Variants in SDK1 observed in about 807,000 individuals in gnomAD.
SDK1 encodes the protein protein sidekick-1.
A neutral mutation model predicts 245.5 loss-of-function variants in SDK1; 157 were observed. The ratio of observed to expected loss-of-function variants is 0.64; its 90% CI spans 0.56 to 0.73. The LOEUF (loss-of-function observed/expected upper bound fraction) is 0.73. Among genes scored for constraint, SDK1 ranks in the 30% least tolerant of loss-of-function variants. The pLI is 0.00. For synonymous variants in SDK1, 1,647 were observed against 1,278.5 expected (o/e 1.29, Z -6.15); for missense variants, 3,583 against 3,002.3 (o/e 1.19, Z -4.52).
At chr7:3,846,639 G>C (rs1247513627) in intron 5 of SDK1, among the ~76,000 whole-genome samples, 1 of 152,166 alleles carries the variant, frequency 6.6e-6, no homozygotes, top group East Asian at 1.9e-4. Flanking sequence ...GTCCTAAAGA[G>C]TATTACTGCT....
At chr7:3,983,658 A>G (rs1204374433) in intron 13 of SDK1, among the ~76,000 whole-genome samples, 1 of 152,258 alleles carries the variant, frequency 6.6e-6, no homozygotes, top group Non-Finnish European at 1.5e-5. Flanking sequence ...AACGTGCAGT[A>G]TCTCTGAGAC....
At chr7:3,400,327 A>G (rs1583802044) in intron 1 of SDK1, among the ~76,000 whole-genome samples, 1 of 152,116 alleles carries the variant, frequency 6.6e-6, no homozygotes, top group East Asian at 1.9e-4. Flanking sequence ...ATTTTCAAAA[A>G]AGTTGATTTT....
intron 4 of SDK1, among the ~76,000 whole-genome samples, chr7:3,735,121 A>G (rs1238112335): frequency 1.3e-5 from 2 of 152,046 alleles, no homozygotes; most frequent in African/African-American, 2.4e-5. Flanking sequence ...AATTGCTTTT[A>G]CTACATAGCA....
rs1471743052 is a variant in SDK1 at position 4,172,486 on chromosome 7, A to G, written c.4801-1736A>G. Reference sequence around the variant, plus strand: ...TTTGGGTTTTGCCTCGTGAGTAGCAAGAGTCCAAAGAAAAAGCGATTTCTC... The same window carrying G: ...TTTGGGTTTTGCCTCGTGAGTAGCAGGAGTCCAAAGAAAAAGCGATTTCTC... On this transcript the variant is annotated intron_variant, in intron 32 of 44. Coordinates refer to ENST00000404826, the MANE Select transcript of SDK1 (RefSeq NM_152744.4). Among the ~76,000 whole-genome samples the G allele has an allele frequency of 2.6e-5, 4 of 152,328 alleles. No individual in the cohort carries two copies. In the East Asian group the frequency reaches 5.8e-4, roughly 22 times the overall value.
chr7:3,459,414 T>G (rs1330982787), intron 1 of SDK1, among the ~76,000 whole-genome samples: 1 of 152,150 alleles, frequency 6.6e-6, no homozygotes, highest in Non-Finnish European at 1.5e-5. Context: ...TGACAGGCAG[T>G]CGATATAGTG....
At chr7:3,800,269 G>T (rs1474361425) in intron 4 of SDK1, among the ~76,000 whole-genome samples, 1 of 152,144 alleles carries the variant, frequency 6.6e-6, no homozygotes, top group Non-Finnish European at 1.5e-5. Flanking sequence ...GTAATGGCAT[G>T]TAAGGATCTT....
At chr7:3,579,730 A>G (rs1176210253) in intron 1 of SDK1, among the ~76,000 whole-genome samples, 1 of 152,184 alleles carries the variant, frequency 6.6e-6, no homozygotes, top group Non-Finnish European at 1.5e-5. Flanking sequence ...TGTAAATTAA[A>G]CCATTTGGAA....
At chr7:3,346,823 A>ATT (rs1461297067) in intron 1 of SDK1, among the ~76,000 whole-genome samples, 17 of 28,230 alleles carry the variant, frequency 6.0e-4, no homozygotes, top group African/African-American at 1.6e-3. Flanking sequence ...ATATATATAT[A>ATT]TATATTTTTT....
intron 1 of SDK1, among the ~76,000 whole-genome samples, chr7:3,510,650 G>A (rs1272631250): frequency 4.6e-5 from 7 of 152,120 alleles, no homozygotes; most frequent in African/African-American, 1.7e-4. Context: ...GAGGGAAGAA[G>A]GGGGGAGGCT....
intron 1 of SDK1, among the ~76,000 whole-genome samples, chr7:3,308,716 T>A (rs916288477): frequency 6.6e-6 from 1 of 152,138 alleles, no homozygotes; most frequent in Non-Finnish European, 1.5e-5. Context: ...GGCTAGACCC[T>A]GGGGTCCATA....
chr7:3,804,556 C>G (rs1434278834), intron 4 of SDK1, among the ~76,000 whole-genome samples: 2 of 152,136 alleles, frequency 1.3e-5, no homozygotes. Context: ...TCTAATTCTT[C>G]TGCCTTTACA....
intron 4 of SDK1, among the ~76,000 whole-genome samples, chr7:3,701,713 C>G (rs962430860): frequency 1.3e-5 from 2 of 151,996 alleles, no homozygotes; most frequent in African/African-American, 4.8e-5. Context: ...TCACTCTATT[C>G]AATCTGAATT....
intron 5 of SDK1, among the ~76,000 whole-genome samples, chr7:3,827,584 G>T (rs377513967): frequency 6.6e-6 from 1 of 152,204 alleles, no homozygotes; most frequent in Non-Finnish European, 1.5e-5. Flanking sequence ...TGGGACCTAC[G>T]TGTGTTGTCA....
chr7:3,522,559 C>T (rs547761641), intron 1 of SDK1, among the ~76,000 whole-genome samples: 7 of 151,194 alleles, frequency 4.6e-5, no homozygotes, highest in Admixed American at 4.6e-4. Context: ...TATTATGGGT[C>T]CTGGCTCATA....
At chr7:3,793,118 T>C (rs1284540144) in intron 4 of SDK1, among the ~76,000 whole-genome samples, 1 of 152,206 alleles carries the variant, frequency 6.6e-6, no homozygotes, top group African/African-American at 2.4e-5. Flanking sequence ...TGATGTGCTG[T>C]TATGAAAAAT....
At chr7:3,504,557 C>G (rs1276378293) in intron 1 of SDK1, among the ~76,000 whole-genome samples, 1 of 152,038 alleles carries the variant, frequency 6.6e-6, no homozygotes, top group Non-Finnish European at 1.5e-5. Flanking sequence ...GACGGTTAAA[C>G]TGGGTAAGAA....
intron 1 of SDK1, among the ~76,000 whole-genome samples, chr7:3,564,100 T>C (rs1779832276): frequency 6.6e-6 from 1 of 152,046 alleles, no homozygotes; most frequent in South Asian, 2.1e-4. Flanking sequence ...ACATATAGTT[T>C]ATTAAATATT....
chr7:3,823,417 C>G (rs778143018), intron 5 of SDK1, among the ~76,000 whole-genome samples: 1 of 152,084 alleles, frequency 6.6e-6, no homozygotes, highest in Non-Finnish European at 1.5e-5. Flanking sequence ...AGAATTATTC[C>G]ACTGAAACTG....
At chr7:4,076,912 C>T (rs1780718575) in intron 20 of SDK1, 86 bp from the exon 21 acceptor site, 1 of 1,215,646 alleles carries the variant, frequency 8.2e-7, no homozygotes, top group African/African-American at 1.5e-5. Flanking sequence ...TCCATAGCTC[C>T]AAGCCTGCAA....
Sources: allele counts gnomAD v4.1 joint callset (sites outside exome capture counted in the v4.1 genomes callset), GRCh38; gene constraint gnomAD v4.1.1; transcripts MANE v1.5; gene names NCBI Gene and HGNC (gene_info 2026-07-23, HGNC 2026-07-21).